ZNF660: variants seen among roughly 807,000 people sequenced by gnomAD.
ZNF660 encodes the protein zinc finger protein 660.
A neutral mutation model predicts 23.2 loss-of-function variants in ZNF660; 24 were observed. That is an observed-to-expected ratio of 1.04 (90% confidence interval 0.75 to 1.46). The LOEUF is 1.46. Among genes scored for constraint, ZNF660 ranks in the 40% most tolerant of loss-of-function variants. The probability of loss-of-function intolerance (pLI) is 0.00; values close to 1 mark genes in which losing one functional copy is unlikely to be tolerated. For synonymous variants in ZNF660, 117 were observed against 131.4 expected (o/e 0.89, Z 0.75); for missense variants, 373 against 396.8 (o/e 0.94, Z 0.51).
At position 44,594,735 on chromosome 3, in the gene ZNF660, A is replaced by G; in HGVS notation, c.542A>G (p.Gln181Arg). The G allele has an allele frequency of 6.2e-7, 1 of 1,614,162 alleles. No individual in the cohort carries two copies. Among genetic ancestry groups the G allele is most frequent in the Non-Finnish European group, 8.5e-7 (1 of 1,180,036 alleles). The change falls in exon 3 of 3, where the codon CAG (glutamine) becomes CGG (arginine). Residue 181 changes from glutamine to arginine, a missense_variant. Coordinates refer to ENST00000322734, the MANE Select transcript of ZNF660 (RefSeq NM_173658.4). ...CGTAGTTCAAACCTTACTCAACATCAGCGAATGCACAGAGGAAAAAAAGTT... is the reference window on the plus strand; with the variant it reads ...CGTAGTTCAAACCTTACTCAACATCGGCGAATGCACAGAGGAAAAAAAGTT... ...FSRSSNLTQH[Q>R]RMHRGKKVYK...
rs57347534 is a variant in ZNF660 at position 44,598,142 on chromosome 3, C to CT, written c.*2969dup. ...CTTTTTCTTTCTTTTCTTTTCTTTT[C>CT]TTTTTTTTTTTTTTTTGAGATGGAA... On this transcript the variant is annotated 3_prime_UTR_variant, in exon 3 of 3. Transcript: ENST00000322734. 315 of 97,258 alleles carry CT rather than the reference C, an allele frequency of 3.2e-3. 5 individuals are homozygous for CT. The highest frequency in any genetic ancestry group is 0.029 in the Middle Eastern group (6 of 210). 6.0% of individuals were successfully genotyped at this position (97,258 alleles called of 1,614,324 possible). A position where few individuals can be genotyped will look rare whatever the true frequency, so the allele number is the denominator to read the frequency against.
rs756806470 is a variant in ZNF660, at chr3:44,594,524, T to C, written c.331T>C (p.Cys111Arg). The part of the protein sequence containing the change: ...TGLKPYTCSE[C>R]GKSFSGKSHL... The stretch of plus-strand genomic sequence containing the variant: ...ACTGAAGCCCTATACATGCAGTGAA[T>C]GTGGGAAATCTTTCAGTGGAAAGTC... Residue 111 changes from cysteine (C) to arginine (R), a missense_variant, in exon 3 of 3, where the codon TGT becomes CGT. Physicochemically the swap from Cys to Arg is radical, Grantham distance 180. Transcript: ENST00000322734. 5 of 1,614,208 alleles carry C rather than the reference T, an allele frequency of 3.1e-6. No individual in the cohort carries two copies. Among genetic ancestry groups the C allele is most frequent in the Non-Finnish European group, 3.4e-6 (4 of 1,180,034 alleles).
chr3:44,589,209 C>T (rs994377949), intron 2 of ZNF660, among the ~76,000 whole-genome samples: 1 of 152,132 alleles, frequency 6.6e-6, no homozygotes, highest in Non-Finnish European at 1.5e-5. Context: ...TTTTTAACCC[C>T]CTCTAATCCA....
intron 2 of ZNF660, among the ~76,000 whole-genome samples, chr3:44,591,474 G>T (rs1255099814): frequency 6.6e-6 from 1 of 152,122 alleles, no homozygotes; most frequent in Non-Finnish European, 1.5e-5. Flanking sequence ...CACAACAGTT[G>T]CACTCCTTCT....
Position 44,594,339 on chromosome 3 carries a change from A to G in ZNF660, c.146A>G (p.Gln49Arg). The G allele has an allele frequency of 6.2e-7, 1 of 1,614,240 alleles. No homozygotes were observed. ...GAGAGAGTTCAGGCTGAAAAGAGAC[A>G]GTATGTATGTACTGAGTGTGGGAAA... ...TNERVQAEKR[Q>R]YVCTECGKAF... Residue 49 changes from glutamine (Q) to arginine (R), a missense_variant, in exon 3 of 3, where the codon CAG becomes CGG. Coordinates refer to ENST00000322734, the MANE Select transcript of ZNF660 (RefSeq NM_173658.4).
chr3:44,595,664 C>A lies in ZNF660; in HGVS notation c.*475C>A, dbSNP rs1435442618. The A allele has an allele frequency of 6.0e-6, 1 of 167,496 alleles. No homozygotes were observed. The highest frequency in any genetic ancestry group is 2.4e-5 in the African/African-American group (1 of 41,412). 10.4% of individuals were successfully genotyped at this position (167,496 alleles called of 1,614,324 possible). The stretch of plus-strand genomic sequence containing the variant: ...TCTAGATTATCTACATGAGAATATA[C>A]TAATTTTATATGCAAGAAAAAAAGC... On this transcript the variant is annotated 3_prime_UTR_variant, in exon 3 of 3. Coordinates refer to ENST00000322734, the MANE Select transcript of ZNF660 (RefSeq NM_173658.4).
intron 2 of ZNF660, among the ~76,000 whole-genome samples, chr3:44,592,024 A>G (rs1700446486): frequency 6.6e-6 from 1 of 152,174 alleles, no homozygotes; most frequent in Admixed American, 6.5e-5. Flanking sequence ...TTTGTGAGGC[A>G]GGGATTAGGG....
rs1700570752 is a variant in ZNF660, at chr3:44,595,132, T to TA, written c.940dup (p.Ser314LysfsTer12). 1 of 1,612,024 alleles carries TA rather than the reference T, an allele frequency of 6.2e-7. No homozygotes were observed. The highest frequency in any genetic ancestry group is 1.7e-5 in the Admixed American group (1 of 59,514). On this transcript the variant is annotated frameshift_variant, in exon 3 of 3. Transcript: ENST00000322734. LOFTEE classifies it high-confidence loss of function. ...GTGAGTGTGGGAAAGCCTATCGGTA[T>TA]AGTTCACAGCTTATTCAACACCAGA...
At position 44,594,908 on chromosome 3, in the gene ZNF660, C is replaced by A. The variant is rs1394097758; in HGVS notation, c.715C>A (p.Leu239Ile). ...LRKTLNEHQR[L>I]HRREKPYKCN... ...GAAAACTCTTAATGAACACCAGAGA[C>A]TTCATCGTAGAGAGAAACCTTACAA... Residue 239 changes from leucine to isoleucine, a missense_variant, in exon 3 of 3, where the codon CTT (leucine) becomes ATT (isoleucine). Leu to Ile is a conservative substitution (Grantham distance 5). Coordinates refer to ENST00000322734, the MANE Select transcript of ZNF660 (RefSeq NM_173658.4). 1.9e-6 allele frequency: 3 copies of A among 1,613,870 alleles called. No individual in the cohort carries two copies. The highest frequency in any genetic ancestry group is 2.5e-6 in the Non-Finnish European group (3 of 1,179,974).
chr3:44,594,252 C>G lies in ZNF660; in HGVS notation c.59C>G (p.Thr20Arg). The G allele has an allele frequency of 6.2e-7, 1 of 1,613,934 alleles. No homozygotes were observed. The highest frequency in any genetic ancestry group is 8.5e-7 in the Non-Finnish European group (1 of 1,180,036). The part of the protein sequence containing the change: ...HKTVKDNKVL[T>R]EGSDQESEKD... ...ACAGTTAAAGACAATAAAGTACTCA[C>G]AGAAGGGAGTGACCAAGAATCTGAA... Residue 20 changes from threonine to arginine, a missense_variant, in exon 3 of 3, where the codon ACA (threonine) becomes AGA (arginine). Physicochemically the swap from Thr to Arg is moderately conservative, Grantham distance 71. Transcript: ENST00000322734.
chr3:44,589,000 C>G (rs936937917), intron 2 of ZNF660, among the ~76,000 whole-genome samples: 1 of 152,210 alleles, frequency 6.6e-6, no homozygotes, highest in Non-Finnish European at 1.5e-5. Context: ...GTGCGTTATA[C>G]ATCTGGATGC....
intron 2 of ZNF660, among the ~76,000 whole-genome samples, chr3:44,590,890 C>T (rs138738238): frequency 6.6e-6 from 1 of 152,260 alleles, no homozygotes; most frequent in East Asian, 1.9e-4. Context: ...TGTGAGTGAG[C>T]CCAGGACCCT....
At chr3:44,588,377 G>T (rs187679990) in intron 2 of ZNF660, among the ~76,000 whole-genome samples, 7 of 152,070 alleles carry the variant, frequency 4.6e-5, no homozygotes, top group African/African-American at 1.7e-4. Context: ...CTACCCCCAC[G>T]ATCCAGTCAC....
Position 44,595,246 on chromosome 3 carries a change from T to C in ZNF660, c.*57T>C. ...GCTGCTTTTCTAAAAAGTAGTTCTT[T>C]AGTATCAACTTTAATTCTACTTCTA... On this transcript the variant is annotated 3_prime_UTR_variant, in exon 3 of 3. Coordinates refer to ENST00000322734, the MANE Select transcript of ZNF660 (RefSeq NM_173658.4). 1 of 1,482,634 alleles carries C rather than the reference T, an allele frequency of 6.7e-7. No individual in the cohort carries two copies. Among genetic ancestry groups the C allele is most frequent in the Non-Finnish European group, 9.0e-7 (1 of 1,111,142 alleles). The allele number at this position is 1,482,634 out of a possible 1,614,324, so 91.8% of individuals were successfully genotyped here.
intron 2 of ZNF660, among the ~76,000 whole-genome samples, chr3:44,587,630 T>G (rs1700268655): frequency 6.6e-6 from 1 of 152,246 alleles, no homozygotes; most frequent in Non-Finnish European, 1.5e-5. Flanking sequence ...TGGCCCTCTT[T>G]GATCTCCTGT....
At chr3:44,591,028 G>A (rs1191551676) in intron 2 of ZNF660, among the ~76,000 whole-genome samples, 1 of 152,194 alleles carries the variant, frequency 6.6e-6, no homozygotes, top group African/African-American at 2.4e-5. Context: ...ACTCGAATAT[G>A]TGCAGTTATC....
chr3:44,595,713 A>C lies in ZNF660; in HGVS notation c.*524A>C, dbSNP rs1361359511. ...GCACAGTATTTTTTAAATGCAATGA[A>C]GACGTGCTTATTTTCACTCAGCAGT... On this transcript the variant is annotated 3_prime_UTR_variant, in exon 3 of 3. Coordinates refer to ENST00000322734, the MANE Select transcript of ZNF660 (RefSeq NM_173658.4). 3.6e-5 allele frequency: 6 copies of C among 167,462 alleles called. No homozygotes were observed. The highest frequency in any genetic ancestry group is 3.3e-4 in the Admixed American group (5 of 15,322). 10.4% of individuals were successfully genotyped at this position (167,462 alleles called of 1,614,324 possible).
intron 2 of ZNF660, chr3:44,587,395 T>C (rs1410950981): frequency 1.3e-5 from 2 of 152,264 alleles, no homozygotes; most frequent in East Asian, 3.8e-4. Context: ...GCCTTATCAG[T>C]CCTCATACAT....
chr3:44,594,186 A>C lies in ZNF660; in HGVS notation c.-8A>C, dbSNP rs1277523378. ...GAGAGGACACTGGTATGTTCCAAGC[A>C]GGAGAAAATGAGGAGAAAGACAAGA... is the stretch of plus-strand genomic sequence containing the variant. On this transcript the variant is annotated 5_prime_UTR_variant, in exon 3 of 3. Transcript: ENST00000322734. The C allele has an allele frequency of 1.2e-6, 2 of 1,612,910 alleles. No homozygotes were observed. Among genetic ancestry groups the C allele is most frequent in the African/African-American group, 1.3e-5 (1 of 74,752 alleles).
Sources: allele counts gnomAD v4.1 joint callset (sites outside exome capture counted in the v4.1 genomes callset), GRCh38; gene constraint gnomAD v4.1.1; transcripts MANE v1.5; gene names NCBI Gene and HGNC (gene_info 2026-07-23, HGNC 2026-07-21).